Variants in ADCY1 observed in about 807,000 individuals in gnomAD.
The protein encoded by ADCY1 is adenylate cyclase 1, also known as adenylate cyclase type 1.
Under a neutral mutation model 105.4 loss-of-function variants are expected in ADCY1, and 28 were observed. That is an observed-to-expected ratio of 0.27 (90% CI 0.20 to 0.36). The LOEUF is 0.36. Ranked by LOEUF, ADCY1 falls within the 10% of genes least tolerant of loss-of-function variation. ADCY1 has a pLI of 1.00. For synonymous variants in ADCY1, 655 were observed against 623.8 expected (o/e 1.05, Z -0.75); for missense variants, 977 against 1,434.2 (o/e 0.68, Z 5.15).
rs1056248307 is a variant in ADCY1, at chr7:45,716,739, T to G, written c.*2744T>G. On this transcript the variant is annotated 3_prime_UTR_variant, in exon 20 of 20. Coordinates refer to ENST00000297323, the MANE Select transcript of ADCY1 (RefSeq NM_021116.4). The stretch of plus-strand genomic sequence containing the variant: ...TGCTGTCACACAGCAAAGGGGACTT[T>G]GCAGGTGGAATTAGGGTTAGGGATC... 1 of 152,366 alleles carries G rather than the reference T, an allele frequency of 6.6e-6. No individual in the cohort carries two copies. Among genetic ancestry groups the G allele is most frequent in the African/African-American group, 2.4e-5 (1 of 41,454 alleles). 9.4% of individuals were successfully genotyped at this position (152,366 alleles called of 1,614,324 possible).
At chr7:45,606,342 A>C (rs1239980172) in intron 2 of ADCY1, among the ~76,000 whole-genome samples, 2 of 152,032 alleles carry the variant, frequency 1.3e-5, no homozygotes, top group African/African-American at 2.4e-5. Context: ...TGGGGCACAG[A>C]GTTTTCAGTG....
At chr7:45,633,499 G>A (rs1389349075) in intron 4 of ADCY1, among the ~76,000 whole-genome samples, 1 of 152,112 alleles carries the variant, frequency 6.6e-6, no homozygotes, top group Non-Finnish European at 1.5e-5. Flanking sequence ...AAAAGTAATT[G>A]TGGTTTTTGC....
chr7:45,688,880 A>G (rs948897628), intron 14 of ADCY1, among the ~76,000 whole-genome samples: 1 of 151,948 alleles, frequency 6.6e-6, no homozygotes, highest in East Asian at 1.9e-4. Context: ...CATCCCCATC[A>G]GTTAACACTC....
intron 4 of ADCY1, among the ~76,000 whole-genome samples, chr7:45,635,601 G>GGT (rs1794379951): frequency 1.7e-5 from 1 of 57,198 alleles, no homozygotes; most frequent in Non-Finnish European, 3.6e-5. Flanking sequence ...AATTTCTCTT[G>GGT]TTTTTTTTTT....
At chr7:45,648,951 A>G (rs1794742479) in intron 5 of ADCY1, among the ~76,000 whole-genome samples, 154 bp downstream of exon 5, 1 of 152,188 alleles carries the variant, frequency 6.6e-6, no homozygotes, top group Admixed American at 6.5e-5. Context: ...TGATGCCAGC[A>G]TTAGGAGGAT....
chr7:45,607,926 G>T (rs1293399719), intron 2 of ADCY1, among the ~76,000 whole-genome samples: 1 of 152,194 alleles, frequency 6.6e-6, no homozygotes, highest in Non-Finnish European at 1.5e-5. Context: ...CTTTTTGGTA[G>T]AATGATTTAT....
At chr7:45,662,520 T>C (rs1031810661) in intron 8 of ADCY1, among the ~76,000 whole-genome samples, 1 of 152,198 alleles carries the variant, frequency 6.6e-6, no homozygotes, top group Non-Finnish European at 1.5e-5. Context: ...GTATTCATTC[T>C]GGACAGATGT....
intron 4 of ADCY1, among the ~76,000 whole-genome samples, chr7:45,645,784 T>A (rs1478755376): frequency 6.6e-6 from 1 of 152,114 alleles, no homozygotes; most frequent in African/African-American, 2.4e-5. Flanking sequence ...GTCCTTGACG[T>A]CCAGAGCACA....
chr7:45,626,263 G>A (rs1053784391), intron 4 of ADCY1, among the ~76,000 whole-genome samples: 2 of 152,194 alleles, frequency 1.3e-5, no homozygotes, highest in African/African-American at 4.8e-5. Flanking sequence ...CGGCCTCAGC[G>A]TGCCAGCCTC....
chr7:45,684,704 G>A, intron 11 of ADCY1: 1 of 298,726 alleles, frequency 3.3e-6, no homozygotes, highest in Non-Finnish European at 6.3e-6. Context: ...GTTAACTTCA[G>A]TGCCAATCAA....
At chr7:45,651,693 C>T (rs950938875) in intron 5 of ADCY1, among the ~76,000 whole-genome samples, 2 of 152,192 alleles carry the variant, frequency 1.3e-5, no homozygotes, top group Non-Finnish European at 2.9e-5. Flanking sequence ...AAAGCCCTTC[C>T]CATCTCCAAA....
intron 5 of ADCY1, among the ~76,000 whole-genome samples, chr7:45,650,017 G>GT (rs1794766234): frequency 1.3e-5 from 2 of 152,218 alleles, no homozygotes; most frequent in Non-Finnish European, 2.9e-5. Flanking sequence ...AGGAAGGAAA[G>GT]ATGCCTGGCG....
At chr7:45,656,257 A>C (rs886710219) in intron 5 of ADCY1, among the ~76,000 whole-genome samples, 5 of 152,004 alleles carry the variant, frequency 3.3e-5, no homozygotes, top group African/African-American at 1.2e-4. Context: ...GAGGGGAGAT[A>C]GCGCCACTGC....
chr7:45,592,689 G>A (rs976918668), intron 1 of ADCY1, 70 bp from the exon 2 acceptor site: 9 of 1,596,806 alleles, frequency 5.6e-6, no homozygotes, highest in African/African-American at 4.0e-5. Context: ...TATGCTCTCC[G>A]GGCGGCCTAG....
chr7:45,673,964 CATATATATATATATATATATATATAT>C lies in ADCY1; in HGVS notation c.1606-3886_1606-3861del, dbSNP rs58025464. 1.8e-3 allele frequency among the ~76,000 whole-genome samples: 207 copies of C among 115,122 alleles called. 2 individuals are homozygous for C. Among genetic ancestry groups the C allele is most frequent in the Admixed American group, 3.7e-3 (44 of 11,742 alleles). 75.5% of individuals were successfully genotyped at this position (115,122 alleles called of 152,430 possible). On this transcript the variant is annotated intron_variant, in intron 8 of 19. Coordinates refer to ENST00000297323, the MANE Select transcript of ADCY1 (RefSeq NM_021116.4). The stretch of plus-strand genomic sequence containing the variant: ...TTTGGCATATGTTCATTCAGATGAG[CATATATATATATATATATATATATAT>C]ATATATATATATATATATGTTTTTG...
chr7:45,631,512 C>T (rs1007151581), intron 4 of ADCY1, among the ~76,000 whole-genome samples: 1 of 152,210 alleles, frequency 6.6e-6, no homozygotes, highest in Non-Finnish European at 1.5e-5. Context: ...ACTTGTTTTA[C>T]AGAGCACATA....
chr7:45,641,552 C>T (rs1224395484), intron 4 of ADCY1, among the ~76,000 whole-genome samples: 2 of 152,152 alleles, frequency 1.3e-5, no homozygotes, highest in Non-Finnish European at 2.9e-5. Context: ...ACCACGATAC[C>T]ATTATCATAC....
chr7:45,709,727 C>A (rs1785188010), intron 18 of ADCY1, among the ~76,000 whole-genome samples: 1 of 152,208 alleles, frequency 6.6e-6, no homozygotes, highest in Non-Finnish European at 1.5e-5. Flanking sequence ...GGCCAGAAAG[C>A]CCCAGTTGCA....
At chr7:45,688,718 T>G (rs1031566945) in intron 14 of ADCY1, among the ~76,000 whole-genome samples, 1 of 152,182 alleles carries the variant, frequency 6.6e-6, no homozygotes, top group Non-Finnish European at 1.5e-5. Flanking sequence ...ACATGGCTTA[T>G]TTTTTCCTTC....
Sources: gnomAD v4.1 joint callset for allele counts (sites outside exome capture counted in the v4.1 genomes callset) on GRCh38, gnomAD v4.1.1 for gene constraint, MANE v1.5 for transcripts, NCBI Gene and HGNC (gene_info 2026-07-23, HGNC 2026-07-21) for gene names.